SRP54: variants seen among roughly 807,000 people sequenced by gnomAD.
SRP54 encodes the protein signal recognition particle 54.
In SRP54, 10 loss-of-function variants were observed where a neutral mutation model predicts 64.8. The ratio of observed to expected loss-of-function variants is 0.15; its 90% confidence interval spans 0.10 to 0.26. The LOEUF (loss-of-function observed/expected upper bound fraction) is 0.26, where lower values mean the gene tolerates loss of function less well. Ranked by LOEUF, SRP54 falls within the 10% of genes least tolerant of loss-of-function variation. SRP54 has a pLI of 1.00. For missense variants in SRP54, 325 were observed against 613.7 expected (o/e 0.53, Z 4.97); for synonymous variants, 193 against 185.6 (o/e 1.04, Z -0.32).
At chr14:34,996,286 T>C (rs2044072501) in intron 1 of SRP54, among the ~76,000 whole-genome samples, 1 of 152,196 alleles carries the variant, frequency 6.6e-6, no homozygotes, top group Non-Finnish European at 1.5e-5. Flanking sequence ...TGTGGGAAAT[T>C]AGGCAGTATT....
intron 1 of SRP54, among the ~76,000 whole-genome samples, chr14:34,996,064 CA>C (rs201959550): frequency 0.19 from 23,192 of 119,414 alleles, 1,762 homozygotes; most frequent in East Asian, 0.32. Flanking sequence ...GACCCTGTCT[CA>C]AAAAAAAAAA....
chr14:35,029,238 GA>G lies in SRP54; in HGVS notation c.*89del. 1 of 971,272 alleles carries G rather than the reference GA, an allele frequency of 1.0e-6. No individual in the cohort carries two copies. The highest frequency in any genetic ancestry group is 1.5e-6 in the Non-Finnish European group (1 of 648,990). The allele number at this position is 971,272 out of a possible 1,614,324, so 60.2% of individuals were successfully genotyped here. ...TTCCCTTCTTTTTGCGAATTGGGGG[GA>G]AAGTGTATTTTTCTTGCTTATCATG... On this transcript the variant is annotated 3_prime_UTR_variant, in exon 16 of 16. Coordinates refer to ENST00000216774, the MANE Select transcript of SRP54 (RefSeq NM_003136.4).
chr14:34,996,644 G>C, intron 1 of SRP54, 33 bp from the exon 2 acceptor site: 1 of 1,072,648 alleles, frequency 9.3e-7, no homozygotes, highest in Admixed American at 1.7e-5. Flanking sequence ...AAGTGAAATT[G>C]ATTATTCTCA....
At chr14:35,028,063 A>G (rs758465381) in intron 14 of SRP54, 25 bp from the exon 15 acceptor site, 1 of 1,564,554 alleles carries the variant, frequency 6.4e-7, no homozygotes, top group African/African-American at 1.4e-5. Context: ...ACGCTGACTC[A>G]AAATCTTTTT....
intron 1 of SRP54, among the ~76,000 whole-genome samples, chr14:34,984,333 T>C (rs563025963): frequency 2.6e-5 from 4 of 152,162 alleles, no homozygotes; most frequent in Non-Finnish European, 4.4e-5. Context: ...TAGTAAAAGC[T>C]CCTATCTCTT....
chr14:34,992,224 G>T (rs890039984), intron 1 of SRP54, among the ~76,000 whole-genome samples: 1 of 151,980 alleles, frequency 6.6e-6, no homozygotes, highest in African/African-American at 2.4e-5. Context: ...TGAGCCACTG[G>T]GCCCGGACAG....
At position 34,996,781 on chromosome 14, in the gene SRP54, T is replaced by C; in HGVS notation, c.72T>C (p.Asn24=). 6.2e-7 allele frequency: 1 copy of C among 1,603,774 alleles called. No homozygotes were observed. Among genetic ancestry groups the C allele is most frequent in the Non-Finnish European group, 8.5e-7 (1 of 1,170,690 alleles). ...CGTTGAGCAATGCCACCATTATCAA[T>C]GAAGAGGTATGTAAAATATTGTATG... ...LRSLSNATII[N]EEVLNAMLKE... is the part of the protein sequence containing the mutation. Residue 24 remains asparagine (N), a synonymous_variant, in exon 2 of 16, where the codon AAT becomes AAC. Transcript: ENST00000216774.
At chr14:35,006,137 C>T (rs1000744257) in intron 4 of SRP54, among the ~76,000 whole-genome samples, 6 of 151,554 alleles carry the variant, frequency 4.0e-5, no homozygotes, top group Non-Finnish European at 7.4e-5. Context: ...CCGCGCCCGG[C>T]CCTAAATGTC....
chr14:35,014,222 A>G lies in SRP54; in HGVS notation c.886+320A>G, dbSNP rs577626061. On this transcript the variant is annotated intron_variant, in intron 10 of 15. Coordinates refer to ENST00000216774, the MANE Select transcript of SRP54 (RefSeq NM_003136.4). ...TATAGTTAGAGAGCATGGAATTTGG[A>G]GTTAAACCCTGGGCTGCAGTCCTTG... Among the ~76,000 whole-genome samples the G allele has an allele frequency of 4.0e-5, 6 of 149,768 alleles. 1 individual carries two copies. In the East Asian group the frequency reaches 1.2e-3, roughly 30 times the overall value.
At chr14:35,028,582 CTCA>C (rs2044672063) in intron 15 of SRP54, among the ~76,000 whole-genome samples, 1 of 152,132 alleles carries the variant, frequency 6.6e-6, no homozygotes, top group Non-Finnish European at 1.5e-5. Flanking sequence ...CAGATCATAT[CTCA>C]TCAAGAAATT....
At chr14:35,003,272 C>T (rs2044205657) in intron 4 of SRP54, among the ~76,000 whole-genome samples, 2 of 152,104 alleles carry the variant, frequency 1.3e-5, no homozygotes, top group South Asian at 4.1e-4. Context: ...CATTATTTGA[C>T]TTTTGTACTA....
intron 1 of SRP54, among the ~76,000 whole-genome samples, chr14:34,986,390 C>G (rs896389559): frequency 9.5e-4 from 144 of 152,206 alleles, no homozygotes; most frequent in African/African-American, 3.3e-3. Flanking sequence ...CATGCTGGGA[C>G]AATTTCTGGA....
chr14:34,999,167 A>T (rs2044132332), intron 2 of SRP54, among the ~76,000 whole-genome samples: 1 of 151,708 alleles, frequency 6.6e-6, no homozygotes, highest in African/African-American at 2.4e-5. Context: ...GGCACGTGCC[A>T]CCATGCCCAG....
At chr14:35,011,359 G>T (rs1247901563) in intron 7 of SRP54, 150 bp from the exon 8 acceptor site, 2 of 470,234 alleles carry the variant, frequency 4.3e-6, no homozygotes, top group Admixed American at 4.2e-5. Context: ...AGTAGATTCT[G>T]TATTTAATAC....
chr14:34,991,736 G>T (rs948903220), intron 1 of SRP54, among the ~76,000 whole-genome samples: 5 of 150,190 alleles, frequency 3.3e-5, no homozygotes, highest in Admixed American at 2.0e-4. Context: ...TTGGGGGTGG[G>T]GGGTGGAGGG....
intron 14 of SRP54, among the ~76,000 whole-genome samples, chr14:35,023,559 G>A (rs1473743148): frequency 9.2e-5 from 14 of 152,104 alleles, no homozygotes; most frequent in African/African-American, 3.1e-4. Flanking sequence ...TGAGGCGGGC[G>A]GATCACTTGA....
intron 2 of SRP54, among the ~76,000 whole-genome samples, chr14:34,999,064 G>T (rs1264148160): frequency 7.2e-6 from 1 of 139,346 alleles, no homozygotes; most frequent in East Asian, 2.4e-4. Flanking sequence ...ACCCAGGCTG[G>T]AGTGCAGTGG....
At chr14:34,991,434 C>T (rs2043976987) in intron 1 of SRP54, among the ~76,000 whole-genome samples, 1 of 145,012 alleles carries the variant, frequency 6.9e-6, no homozygotes, top group African/African-American at 2.5e-5. Flanking sequence ...CTGGCCACAG[C>T]TTACATTTCA....
chr14:35,018,625 A>G, intron 11 of SRP54, 67 bp from the exon 12 acceptor site: 1 of 1,231,174 alleles, frequency 8.1e-7, no homozygotes, highest in Non-Finnish European at 1.2e-6. Context: ...ATTAAGGAAT[A>G]AATTAGTTTT....
Sources: gnomAD v4.1 joint callset for allele counts (sites outside exome capture counted in the v4.1 genomes callset) on GRCh38, gnomAD v4.1.1 for gene constraint, MANE v1.5 for transcripts, NCBI Gene and HGNC (gene_info 2026-07-23, HGNC 2026-07-21) for gene names.